The following SLC17A7 variants were observed in gnomAD, a reference collection of about 807,000 sequenced individuals.
SLC17A7 encodes solute carrier family 17 member 7, also known as vesicular glutamate transporter 1.
In SLC17A7, 15 loss-of-function variants were observed where a neutral mutation model predicts 59.1. The observed-to-expected ratio is 0.25, with a 90% CI of 0.17 to 0.39. SLC17A7 has a LOEUF of 0.39. Ranked by LOEUF, SLC17A7 falls within the 10% of genes least tolerant of loss-of-function variation. The pLI is 1.00. For synonymous variants in SLC17A7, 353 were observed against 308.9 expected (o/e 1.14, Z -1.50); for missense variants, 499 against 765.1 (o/e 0.65, Z 4.10).
intron 11 of SLC17A7, 33 bp downstream of exon 11, chr19:49,430,982 G>A: frequency 6.3e-7 from 1 of 1,588,298 alleles, no homozygotes; most frequent in Non-Finnish European, 8.6e-7. Flanking sequence ...GCACACACTT[G>A]GAGGCAGACT....
chr19:49,431,147 C>T lies in SLC17A7; in HGVS notation c.1262-5G>A, dbSNP rs1253715245. 2 of 1,611,634 alleles carry T rather than the reference C, an allele frequency of 1.2e-6. No individual in the cohort carries two copies. Among genetic ancestry groups the T allele is most frequent in the East Asian group, 2.2e-5 (1 of 44,806 alleles). On this transcript the variant is annotated splice_region_variant and splice_polypyrimidine_tract_variant and intron_variant, in intron 10 of 11. Transcript: ENST00000221485. This position sits in a 1 kb window ranked among gnomAD's most constrained non-coding sequence, Gnocchi z 4.6. ...CCAGGTGGTTCACGTTGAACCCTGG[C>T]GGAGAGACAAGTCGGAAGGCGTCAC...
At position 49,429,476 on chromosome 19, in the gene SLC17A7, C is replaced by CA. The variant is rs1182067432; in HGVS notation, c.*1042dup. The CA allele has an allele frequency of 2.5e-6, 1 of 398,954 alleles. No homozygotes were observed. Among genetic ancestry groups the CA allele is most frequent in the Admixed American group, 4.4e-5 (1 of 22,712 alleles). 24.7% of individuals were successfully genotyped at this position (398,954 alleles called of 1,614,324 possible). On this transcript the variant is annotated 3_prime_UTR_variant, in exon 12 of 12. Transcript: ENST00000221485. ...TCACAGAGACAGAGACACAAAGACACAACCCTGCACTGGGAAAAAACACCC... is the reference window on the plus strand; with the variant it reads ...TCACAGAGACAGAGACACAAAGACACAAACCCTGCACTGGGAAAAAACACCC...
rs1411149540 is a variant in SLC17A7 at position 49,436,964 on chromosome 19, G to T, written c.63-163C>A. On this transcript the variant is annotated intron_variant, in intron 1 of 11. Transcript: ENST00000221485. This position sits in a 1 kb window ranked among gnomAD's most constrained non-coding sequence, Gnocchi z 4.1. ...GGTCCCTGGCTCCCTTCGCCCCCCT[G>T]ATCCAGAAATCCTCCATCTCCCTCA... The T allele has an allele frequency of 2.9e-6, 3 of 1,032,432 alleles. No individual in the cohort carries two copies. The East Asian group carries it at 7.9e-5, about 27-fold the overall frequency. The allele number at this position is 1,032,432 out of a possible 1,614,324, so 64.0% of individuals were successfully genotyped here. A position where few individuals can be genotyped will look rare whatever the true frequency, so the allele number is the denominator to read the frequency against.
In SLC17A7 at chr19:49,433,888, G is replaced by A. The variant is rs2078970174; in HGVS notation, c.725-20C>T. On this transcript the variant is annotated intron_variant, in intron 6 of 11. Transcript: ENST00000221485. This position sits in a 1 kb window ranked among gnomAD's most constrained non-coding sequence, Gnocchi z 5.7. ...AGCTGCCTGGGGGGGTCAGGAGGGG[G>A]ATGGGAGCGAGGTGAGGACCGGCCC... The A allele has an allele frequency of 6.2e-7, 1 of 1,611,690 alleles. No homozygotes were observed. Among genetic ancestry groups the A allele is most frequent in the South Asian group, 1.1e-5 (1 of 90,992 alleles).
In SLC17A7 at chr19:49,433,488, TTAAC is replaced by T; in HGVS notation, c.867+234_867+237del. On this transcript the variant is annotated intron_variant, in intron 7 of 11. Coordinates refer to ENST00000221485, the MANE Select transcript of SLC17A7 (RefSeq NM_020309.4). This position sits in a 1 kb window ranked among gnomAD's most constrained non-coding sequence, Gnocchi z 5.7. ...CATTCTAATCCCTTCTCTGCTGGCTTTAACTATGCCCTGTCAGTGGTTCTAATCC... is the reference window on the plus strand; with the variant it reads ...CATTCTAATCCCTTCTCTGCTGGCTTTATGCCCTGTCAGTGGTTCTAATCC... The T allele has an allele frequency of 1.5e-6, 1 of 670,636 alleles. No homozygotes were observed. The highest frequency in any genetic ancestry group is 2.7e-6 in the Non-Finnish European group (1 of 367,584). The allele number at this position is 670,636 out of a possible 1,614,324, so 41.5% of individuals were successfully genotyped here.
chr19:49,431,372 G>A lies in SLC17A7; in HGVS notation c.1227C>T (p.Val409=). ...HSKGVAISFL[V]LAVGFSGFAI... ...CGAAGCCGCTGAAGCCCACGGCTAG[G>A]ACCAGGAAGGAGATGGCCACGCCCT... Residue 409 remains valine (V), a synonymous_variant, in exon 10 of 12, where the codon GTC becomes GTT. Coordinates refer to ENST00000221485, the MANE Select transcript of SLC17A7 (RefSeq NM_020309.4). The surrounding 1 kb of genome is among the most constrained non-coding windows in gnomAD (Gnocchi z 4.6). 2 of 1,614,170 alleles carry A rather than the reference G, an allele frequency of 1.2e-6. No homozygotes were observed. The highest frequency in any genetic ancestry group is 4.5e-5 in the East Asian group (2 of 44,892).
intron 5 of SLC17A7, 98 bp downstream of exon 5, chr19:49,434,504 A>C: frequency 8.9e-7 from 1 of 1,128,008 alleles, no homozygotes; most frequent in Non-Finnish European, 1.2e-6. Context: ...CAGACACAGG[A>C]GTTCAGCCCC....
chr19:49,430,397 G>C lies in SLC17A7; in HGVS notation c.*122C>G. The C allele has an allele frequency of 1.5e-6, 1 of 683,054 alleles. No homozygotes were observed. Among genetic ancestry groups the C allele is most frequent in the Non-Finnish European group, 2.4e-6 (1 of 409,282 alleles). The allele number at this position is 683,054 out of a possible 1,614,324, so 42.3% of individuals were successfully genotyped here. ...AGGATTTGACAGCACTGGGAACAAG[G>C]GAGAGTGCTTCTTAGGCCTGAGGCA... On this transcript the variant is annotated 3_prime_UTR_variant, in exon 12 of 12. Transcript: ENST00000221485.
rs567446632 is a variant in SLC17A7, at chr19:49,430,032, A to G, written c.*487T>C. ...AATCCCTGGAATGGCGGGGACGAGT[A>G]ATTGGTTAAACCAATCTGGAAGATG... On this transcript the variant is annotated 3_prime_UTR_variant, in exon 12 of 12. Coordinates refer to ENST00000221485, the MANE Select transcript of SLC17A7 (RefSeq NM_020309.4). 126 of 162,490 alleles carry G rather than the reference A, an allele frequency of 7.8e-4. No individual in the cohort carries two copies. The highest frequency in any genetic ancestry group is 2.9e-3 in the African/African-American group (120 of 42,056). The allele number at this position is 162,490 out of a possible 1,614,324, so 10.1% of individuals were successfully genotyped here. A position where few individuals can be genotyped will look rare whatever the true frequency, so the allele number is the denominator to read the frequency against.
chr19:49,433,322 T>C lies in SLC17A7; in HGVS notation c.868-362A>G. On this transcript the variant is annotated intron_variant, in intron 7 of 11. Coordinates refer to ENST00000221485, the MANE Select transcript of SLC17A7 (RefSeq NM_020309.4). The surrounding 1 kb of genome is among the most constrained non-coding windows in gnomAD (Gnocchi z 5.7). ...GTTGCCCAAGCTGGTCTGGAACTCC[T>C]GGGCTCAAGCGATCCTGCAGCCTCC... is the stretch of plus-strand genomic sequence containing the variant. 2.4e-6 allele frequency: 1 copy of C among 409,954 alleles called. No individual in the cohort carries two copies. The highest frequency in any genetic ancestry group is 4.5e-6 in the Non-Finnish European group (1 of 223,074). The allele number at this position is 409,954 out of a possible 1,614,324, so 25.4% of individuals were successfully genotyped here.
Position 49,436,405 on chromosome 19 carries a change from C to A in SLC17A7, c.315+144G>T. On this transcript the variant is annotated intron_variant, in intron 2 of 11. Transcript: ENST00000221485. The surrounding 1 kb of genome is among the most constrained non-coding windows in gnomAD (Gnocchi z 4.1). ...CTAAGGCGAGGTCAGAACTAAGGGG[C>A]GCACGGATTGGGCGGAGCTATTCCG... 9.0e-7 allele frequency: 1 copy of A among 1,110,450 alleles called. No homozygotes were observed. Among genetic ancestry groups the A allele is most frequent in the South Asian group, 1.5e-5 (1 of 66,832 alleles). The allele number at this position is 1,110,450 out of a possible 1,614,324, so 68.8% of individuals were successfully genotyped here.
At chr19:49,434,528 CGCTCAGA>C in intron 5 of SLC17A7, 67 bp downstream of exon 5, 1 of 1,387,942 alleles carries the variant, frequency 7.2e-7, no homozygotes, top group Non-Finnish European at 9.8e-7. Flanking sequence ...AGCCCCTCCC[CGCTCAGA>C]CCCAACAGTC....
At position 49,431,392 on chromosome 19, in the gene SLC17A7, C is replaced by T; in HGVS notation, c.1207G>A (p.Val403Met). The change falls in exon 10 of 12, where the codon GTG becomes ATG. Residue 403 changes from valine (V) to methionine (M), a missense_variant. Transcript: ENST00000221485. This position sits in a 1 kb window ranked among gnomAD's most constrained non-coding sequence, Gnocchi z 4.6. Reference sequence around the variant, plus strand: ...GCTAGGACCAGGAAGGAGATGGCCACGCCCTTGGAGTGCGAGTAGCCGACC... The same window carrying T: ...GCTAGGACCAGGAAGGAGATGGCCATGCCCTTGGAGTGCGAGTAGCCGACC... ...LVVGYSHSKGVAISFLVLAVG... is the reference protein window; with the variant it reads ...LVVGYSHSKGMAISFLVLAVG... 1 of 1,614,180 alleles carries T rather than the reference C, an allele frequency of 6.2e-7. No individual in the cohort carries two copies. The highest frequency in any genetic ancestry group is 8.5e-7 in the Non-Finnish European group (1 of 1,180,026).
In SLC17A7 at chr19:49,433,377, A is replaced by T. The variant is rs1188000721; in HGVS notation, c.867+349T>A. Reference sequence around the variant, plus strand: ...CCAAAGTGTTGGGATTGCAGGCGGAAGCCACTGAGCCTGCCCTAGGAGTCT... The same window carrying T: ...CCAAAGTGTTGGGATTGCAGGCGGATGCCACTGAGCCTGCCCTAGGAGTCT... On this transcript the variant is annotated intron_variant, in intron 7 of 11. Transcript: ENST00000221485. The surrounding 1 kb of genome is among the most constrained non-coding windows in gnomAD (Gnocchi z 5.7). 3.2e-5 allele frequency: 14 copies of T among 442,932 alleles called. No individual in the cohort carries two copies. Among genetic ancestry groups the T allele is most frequent in the East Asian group, 2.9e-4 (6 of 20,618 alleles). The allele number at this position is 442,932 out of a possible 1,614,324, so 27.4% of individuals were successfully genotyped here.
Position 49,433,131 on chromosome 19 carries a change from A to G in SLC17A7, c.868-171T>C. 1.5e-6 allele frequency: 1 copy of G among 685,256 alleles called. No individual in the cohort carries two copies. The highest frequency in any genetic ancestry group is 2.9e-5 in the Admixed American group (1 of 35,020). 42.4% of individuals were successfully genotyped at this position (685,256 alleles called of 1,614,324 possible). A position where few individuals can be genotyped will look rare whatever the true frequency, so the allele number is the denominator to read the frequency against. On this transcript the variant is annotated intron_variant, in intron 7 of 11. Coordinates refer to ENST00000221485, the MANE Select transcript of SLC17A7 (RefSeq NM_020309.4). This position sits in a 1 kb window ranked among gnomAD's most constrained non-coding sequence, Gnocchi z 5.7. The stretch of plus-strand genomic sequence containing the variant: ...ACCATGTTGCCGTGGGGACCCAGGG[A>G]TCCTAGCCTCAAGGTGACACTTGAG...
chr19:49,433,267 T>C lies in SLC17A7; in HGVS notation c.868-307A>G, dbSNP rs1419983936. 7.2e-6 allele frequency: 3 copies of C among 419,296 alleles called. No individual in the cohort carries two copies. The highest frequency in any genetic ancestry group is 2.1e-5 in the African/African-American group (1 of 48,428). The allele number at this position is 419,296 out of a possible 1,614,324, so 26.0% of individuals were successfully genotyped here. A position where few individuals can be genotyped will look rare whatever the true frequency, so the allele number is the denominator to read the frequency against. Reference sequence around the variant, plus strand: ...TTTTATTTTTACTTTTTGTATTTTGTATTTTGAGTAGAGACGGGGGTTTCG... The same window carrying C: ...TTTTATTTTTACTTTTTGTATTTTGCATTTTGAGTAGAGACGGGGGTTTCG... On this transcript the variant is annotated intron_variant, in intron 7 of 11. Coordinates refer to ENST00000221485, the MANE Select transcript of SLC17A7 (RefSeq NM_020309.4). The surrounding 1 kb of genome is among the most constrained non-coding windows in gnomAD (Gnocchi z 5.7).
At chr19:49,432,435 C>T in intron 9 of SLC17A7, 84 bp downstream of exon 9, 1 of 1,509,696 alleles carries the variant, frequency 6.6e-7, no homozygotes, top group Non-Finnish European at 8.9e-7. Flanking sequence ...TGGTTTCCGC[C>T]TGTAACCACT....
rs1261958736 is a variant in SLC17A7, at chr19:49,433,551, C to T, written c.867+175G>A. The T allele has an allele frequency of 2.3e-6, 2 of 854,172 alleles. No homozygotes were observed. The highest frequency in any genetic ancestry group is 1.7e-5 in the African/African-American group (1 of 59,870). 52.9% of individuals were successfully genotyped at this position (854,172 alleles called of 1,614,324 possible). On this transcript the variant is annotated intron_variant, in intron 7 of 11. Transcript: ENST00000221485. This position sits in a 1 kb window ranked among gnomAD's most constrained non-coding sequence, Gnocchi z 5.7. ...TCCCGACCTAACCCTGCCCCCAGCA[C>T]CTGAGAATCTCGTCCTCCGCGGGTT... is the stretch of plus-strand genomic sequence containing the variant.
rs368446675 is a variant in SLC17A7, at chr19:49,432,563, C to G, written c.1106G>C (p.Arg369Pro). Reference sequence around the variant, plus strand: ...GCGCACGTTGGTGGTGGACATGATGCGGCGGCTCCGCAGGAAGTCCGCGAT... The same window carrying G: ...GCGCACGTTGGTGGTGGACATGATGGGGCGGCTCCGCAGGAAGTCCGCGAT... ...GQIADFLRSR[R>P]IMSTTNVRKL... The change falls in exon 9 of 12, where the codon CGC (arginine) becomes CCC (proline). Residue 369 changes from arginine (R) to proline (P), a missense_variant. By Grantham distance (103) the Arg-to-Pro change is moderately radical. Transcript: ENST00000221485. 1 of 1,610,444 alleles carries G rather than the reference C, an allele frequency of 6.2e-7. No homozygotes were observed.
Sources: gnomAD v4.1 joint callset for allele counts on GRCh38, gnomAD v4.1.1 for gene constraint, Gnocchi (gnomAD v3.1) non-coding constraint, MANE v1.5 for transcripts, NCBI Gene and HGNC (gene_info 2026-07-23, HGNC 2026-07-21) for gene names.